SLC6A11: variants seen among roughly 807,000 people sequenced by gnomAD.
SLC6A11 encodes solute carrier family 6 member 11, also known as sodium- and chloride-dependent GABA transporter 3.
A neutral mutation model predicts 74.8 loss-of-function variants in SLC6A11; 25 were observed. That is an observed-to-expected ratio of 0.33 (90% CI 0.24 to 0.47). The LOEUF is 0.47. Ranked by LOEUF, SLC6A11 falls within the 20% of genes least tolerant of loss-of-function variation. SLC6A11 has a pLI of 1.00. For synonymous variants in SLC6A11, 330 were observed against 330.2 expected (o/e 1.00, Z 0.01); for missense variants, 574 against 837.0 (o/e 0.69, Z 3.88).
At chr3:10,853,709 C>T (rs901261432) in intron 5 of SLC6A11, among the ~76,000 whole-genome samples, 13 of 152,144 alleles carry the variant, frequency 8.5e-5, no homozygotes, top group Admixed American at 4.6e-4. Context: ...AGGCCCACCC[C>T]GGTTATCCCA....
rs943720171 is a variant in SLC6A11 at position 10,939,955 on chromosome 3, A to G, written c.*1553A>G. The G allele has an allele frequency of 1.3e-5, 2 of 152,074 alleles. No homozygotes were observed. The highest frequency in any genetic ancestry group is 2.4e-5 in the African/African-American group (1 of 41,388). 9.4% of individuals were successfully genotyped at this position (152,074 alleles called of 1,614,324 possible). On this transcript the variant is annotated 3_prime_UTR_variant, in exon 14 of 14. Coordinates refer to ENST00000254488, the MANE Select transcript of SLC6A11 (RefSeq NM_014229.3). Reference sequence around the variant, plus strand: ...TTTTTCCTTTTTCCTTAGGTTCCCAATATTATTTGGTGGAAACGTGGGCTT... The same window carrying G: ...TTTTTCCTTTTTCCTTAGGTTCCCAGTATTATTTGGTGGAAACGTGGGCTT...
At chr3:10,858,255 A>C (rs1308790307) in intron 5 of SLC6A11, among the ~76,000 whole-genome samples, 1 of 152,210 alleles carries the variant, frequency 6.6e-6, no homozygotes, top group Non-Finnish European at 1.5e-5. Flanking sequence ...TGGTAATTGC[A>C]TTTCTGGAAA....
intron 4 of SLC6A11, among the ~76,000 whole-genome samples, chr3:10,828,156 A>G (rs1157788258): frequency 2.0e-5 from 3 of 152,180 alleles, no homozygotes; most frequent in Non-Finnish European, 2.9e-5. Context: ...TCAGATGGAC[A>G]TTGATTCATC....
chr3:10,933,434 A>G (rs1408183473), intron 11 of SLC6A11, among the ~76,000 whole-genome samples, 181 bp downstream of exon 11: 1 of 152,006 alleles, frequency 6.6e-6, no homozygotes, highest in Non-Finnish European at 1.5e-5. Context: ...CTTTCACACC[A>G]TGCAGCACAG....
chr3:10,838,820 T>G (rs1341120101), intron 4 of SLC6A11, among the ~76,000 whole-genome samples: 3 of 152,168 alleles, frequency 2.0e-5, no homozygotes, highest in Non-Finnish European at 4.4e-5. Context: ...GAAATGGGTA[T>G]AATCATGCCC....
intron 8 of SLC6A11, among the ~76,000 whole-genome samples, chr3:10,924,829 A>G (rs780344970): frequency 6.6e-6 from 1 of 152,366 alleles, no homozygotes; most frequent in South Asian, 2.1e-4. Context: ...TAAAAGACTG[A>G]CAATATCAAG....
At chr3:10,921,376 C>T (rs1250902335) in intron 8 of SLC6A11, among the ~76,000 whole-genome samples, 2 of 152,004 alleles carry the variant, frequency 1.3e-5, no homozygotes, top group African/African-American at 2.4e-5. Flanking sequence ...TGGGAAGTGT[C>T]AGATGTGTGG....
intron 11 of SLC6A11, 70 bp from the exon 12 acceptor site, chr3:10,933,996 G>T: frequency 9.9e-7 from 1 of 1,010,650 alleles, no homozygotes; most frequent in Non-Finnish European, 1.6e-6. Context: ...AACACTCCTA[G>T]CCATTCCTCT....
chr3:10,821,982 C>T (rs1694144119), intron 3 of SLC6A11, among the ~76,000 whole-genome samples: 1 of 152,224 alleles, frequency 6.6e-6, no homozygotes. Flanking sequence ...AGACCACCTC[C>T]TTTCAGAACA....
intron 12 of SLC6A11, among the ~76,000 whole-genome samples, chr3:10,934,792 G>A (rs923805383): frequency 6.6e-6 from 1 of 152,236 alleles, no homozygotes; most frequent in African/African-American, 2.4e-5. Flanking sequence ...GCCCAGCGAG[G>A]TCCCAGAACC....
intron 6 of SLC6A11, among the ~76,000 whole-genome samples, chr3:10,893,202 A>G (rs553951605): frequency 1.3e-5 from 2 of 152,316 alleles, no homozygotes; most frequent in South Asian, 4.1e-4. Context: ...GAAAATAAAT[A>G]ACAGATACAG....
intron 5 of SLC6A11, among the ~76,000 whole-genome samples, chr3:10,854,382 T>G (rs1053123604): frequency 6.6e-6 from 1 of 151,924 alleles, no homozygotes; most frequent in African/African-American, 2.4e-5. Flanking sequence ...AGAGTGAAAC[T>G]CCATCTCAAA....
intron 4 of SLC6A11, among the ~76,000 whole-genome samples, chr3:10,835,753 C>T (rs867694522): frequency 3.3e-5 from 5 of 152,204 alleles, no homozygotes; most frequent in African/African-American, 1.2e-4. Flanking sequence ...TACAAGATAA[C>T]TACACAAAAG....
intron 4 of SLC6A11, among the ~76,000 whole-genome samples, chr3:10,842,974 T>C (rs1261915940): frequency 6.6e-6 from 1 of 152,122 alleles, no homozygotes; most frequent in Non-Finnish European, 1.5e-5. Context: ...GTGGCTTTCA[T>C]GCTTGGTGGG....
chr3:10,857,764 C>T (rs1488311239), intron 5 of SLC6A11, among the ~76,000 whole-genome samples: 7 of 152,144 alleles, frequency 4.6e-5, no homozygotes, highest in African/African-American at 1.4e-4. Flanking sequence ...TGTAACATGG[C>T]TTTTGTCACC....
rs1339473595 is a variant in SLC6A11, at chr3:10,844,319, C to T, written c.729C>T (p.Ile243=). ...LAAWTICYFC[I]WKGTKSTGKV... Reference sequence around the variant, plus strand: ...CCTGGACCATCTGTTACTTCTGTATCTGGAAGGGGACCAAGTCTACAGGAA... The same window carrying T: ...CCTGGACCATCTGTTACTTCTGTATTTGGAAGGGGACCAAGTCTACAGGAA... The change falls in exon 5 of 14, where the codon ATC becomes ATT. Residue 243 remains isoleucine (I), a synonymous_variant. Transcript: ENST00000254488. 1.2e-6 allele frequency: 2 copies of T among 1,614,070 alleles called. No individual in the cohort carries two copies. The highest frequency in any genetic ancestry group is 1.7e-6 in the Non-Finnish European group (2 of 1,180,038).
intron 5 of SLC6A11, among the ~76,000 whole-genome samples, chr3:10,858,291 A>G (rs1436006925): frequency 1.3e-5 from 2 of 152,212 alleles, no homozygotes; most frequent in African/African-American, 4.8e-5. Flanking sequence ...AAATGAGGTT[A>G]AAAAAATCTT....
intron 7 of SLC6A11, among the ~76,000 whole-genome samples, chr3:10,917,860 C>A (rs902010932): frequency 1.2e-4 from 19 of 152,154 alleles, no homozygotes; most frequent in African/African-American, 4.3e-4. Flanking sequence ...AAGCCTCTCC[C>A]CCGGAGGCTG....
At chr3:10,873,825 A>G (rs1375622357) in intron 5 of SLC6A11, among the ~76,000 whole-genome samples, 2 of 151,910 alleles carry the variant, frequency 1.3e-5, no homozygotes, top group Non-Finnish European at 1.5e-5. Context: ...ATCCTATCCT[A>G]TCCTATAGTA....
Sources: gnomAD v4.1 joint callset for allele counts (sites outside exome capture counted in the v4.1 genomes callset) on GRCh38, gnomAD v4.1.1 for gene constraint, MANE v1.5 for transcripts, NCBI Gene and HGNC (gene_info 2026-07-23, HGNC 2026-07-21) for gene names.